The following GPR158 variants were observed in gnomAD, a reference collection of about 807,000 sequenced individuals.
The protein encoded by GPR158 is G protein-coupled receptor 158, also known as metabotropic glycine receptor.
GPR158 carries 30 observed loss-of-function variants against 78.2 expected under a neutral mutation model. The ratio of observed to expected loss-of-function variants is 0.38; its 90% confidence interval spans 0.29 to 0.52. The LOEUF (loss-of-function observed/expected upper bound fraction) is 0.52. GPR158 is among the 20% of genes least tolerant of loss of function. The probability of loss-of-function intolerance (pLI) is 0.83; values close to 1 mark genes in which losing one functional copy is unlikely to be tolerated. For synonymous variants in GPR158, 581 were observed against 591.1 expected (o/e 0.98, Z 0.25); for missense variants, 1,463 against 1,523.5 (o/e 0.96, Z 0.66).
intron 2 of GPR158, among the ~76,000 whole-genome samples, chr10:25,301,032 A>G (rs954225207): frequency 6.6e-6 from 1 of 152,178 alleles, no homozygotes; most frequent in Non-Finnish European, 1.5e-5. Flanking sequence ...TCATTCAGCT[A>G]TTCTTTCCTC....
At chr10:25,476,387 T>TG (rs938157773) in intron 5 of GPR158, among the ~76,000 whole-genome samples, 2 of 151,408 alleles carry the variant, frequency 1.3e-5, no homozygotes, top group African/African-American at 4.9e-5. Context: ...AATAAGGGTT[T>TG]TTTTTTTTTT....
In GPR158 at chr10:25,290,338, T is replaced by A. The variant is rs542017291; in HGVS notation, c.1008+69181T>A. 6.6e-5 allele frequency among the ~76,000 whole-genome samples: 10 copies of A among 152,306 alleles called. 1 individual carries two copies. In the South Asian group the frequency reaches 2.1e-3, roughly 32 times the overall value. On this transcript the variant is annotated intron_variant, in intron 2 of 10. Transcript: ENST00000376351. ...GCCGTTTGTAATAAACTAAGCAAAA[T>A]TTGCTTTCAGAGGTTAGTATTTAAG... is the stretch of plus-strand genomic sequence containing the variant.
chr10:25,451,527 G>T (rs956988346), intron 4 of GPR158, among the ~76,000 whole-genome samples: 1 of 152,124 alleles, frequency 6.6e-6, no homozygotes, highest in Admixed American at 6.5e-5. Context: ...TCAGTAGAAG[G>T]TTAGTAAAAG....
intron 2 of GPR158, among the ~76,000 whole-genome samples, chr10:25,360,188 T>C (rs961699345): frequency 2.0e-5 from 3 of 152,208 alleles, no homozygotes; most frequent in African/African-American, 7.2e-5. Flanking sequence ...AAAAATTTTC[T>C]CCCATTCTGT....
At chr10:25,451,735 G>A (rs1056958030) in intron 4 of GPR158, among the ~76,000 whole-genome samples, 3 of 152,150 alleles carry the variant, frequency 2.0e-5, no homozygotes, top group Non-Finnish European at 4.4e-5. Flanking sequence ...TATTTGTTGT[G>A]AGGGTTAAAT....
At chr10:25,408,093 A>T (rs1392292154) in intron 3 of GPR158, among the ~76,000 whole-genome samples, 3 of 152,208 alleles carry the variant, frequency 2.0e-5, no homozygotes, top group Admixed American at 2.0e-4. Context: ...ATTTGTATTG[A>T]AAGTAAATAA....
Position 25,259,922 on chromosome 10 carries a change from G to A in GPR158, c.1008+38765G>A, listed in dbSNP as rs1588763493. On this transcript the variant is annotated intron_variant, in intron 2 of 10. Coordinates refer to ENST00000376351, the MANE Select transcript of GPR158 (RefSeq NM_020752.3). ...TAATTTTGATCAAATTTTATATGCTGCTTATGGCTAAACTCTATAAATCTA... is the reference window on the plus strand; with the variant it reads ...TAATTTTGATCAAATTTTATATGCTACTTATGGCTAAACTCTATAAATCTA... Among the ~76,000 whole-genome samples, 3 of 151,824 alleles carry A rather than the reference G, an allele frequency of 2.0e-5. No homozygotes were observed. The South Asian group carries it at 6.2e-4, about 32-fold the overall frequency.
At position 25,175,553 on chromosome 10, in the gene GPR158, C is replaced by T. The variant is rs1209347979; in HGVS notation, c.133C>T (p.His45Tyr). The change falls in exon 1 of 11, where the codon CAC becomes TAC. Residue 45 changes from histidine (H) to tyrosine (Y), a missense_variant. Coordinates refer to ENST00000376351, the MANE Select transcript of GPR158 (RefSeq NM_020752.3). This position sits in a 1 kb window ranked among gnomAD's most constrained non-coding sequence, Gnocchi z 6.4. ...PRERTPKGKP[H>Y]AQQPGRASAS... is the part of the protein sequence containing the mutation. Reference sequence around the variant, plus strand: ...AGAGAGGACCCCGAAGGGGAAGCCGCACGCCCAGCAGCCGGGTCGAGCCTC... The same window carrying T: ...AGAGAGGACCCCGAAGGGGAAGCCGTACGCCCAGCAGCCGGGTCGAGCCTC... 2 of 1,611,452 alleles carry T rather than the reference C, an allele frequency of 1.2e-6. No individual in the cohort carries two copies. The highest frequency in any genetic ancestry group is 1.7e-6 in the Non-Finnish European group (2 of 1,179,850).
At chr10:25,580,822 C>A (rs527251370) in intron 7 of GPR158, among the ~76,000 whole-genome samples, 9 of 152,152 alleles carry the variant, frequency 5.9e-5, no homozygotes, top group Non-Finnish European at 1.3e-4. Flanking sequence ...AACTCCTGGA[C>A]TCAAGCCATT....
intron 2 of GPR158, among the ~76,000 whole-genome samples, chr10:25,236,413 C>T (rs757753931): frequency 3.3e-5 from 5 of 152,024 alleles, no homozygotes; most frequent in African/African-American, 7.3e-5. Flanking sequence ...GAGGCTGAGG[C>T]GGGAGAATGG....
At chr10:25,239,548 C>T (rs914521935) in intron 2 of GPR158, among the ~76,000 whole-genome samples, 3 of 149,498 alleles carry the variant, frequency 2.0e-5, no homozygotes, top group African/African-American at 5.0e-5. Flanking sequence ...GCAGAGGTTG[C>T]AGTGAATCAA....
chr10:25,252,852 C>T (rs1449868590), intron 2 of GPR158, among the ~76,000 whole-genome samples: 1 of 152,100 alleles, frequency 6.6e-6, no homozygotes, highest in Non-Finnish European at 1.5e-5. Context: ...CCAGTTCGAG[C>T]TTCCTGGCTG....
chr10:25,213,830 T>C (rs1397322981), intron 1 of GPR158, among the ~76,000 whole-genome samples: 1 of 152,146 alleles, frequency 6.6e-6, no homozygotes. Context: ...TCTATCATCT[T>C]ATCTTTTTAA....
chr10:25,370,445 C>A (rs1169947075), intron 2 of GPR158, among the ~76,000 whole-genome samples: 2 of 60,840 alleles, frequency 3.3e-5, no homozygotes. Context: ...CATTCAGGAT[C>A]AGGTTGTTCA....
intron 5 of GPR158, chr10:25,475,761 T>C (rs1052774254): frequency 2.0e-5 from 3 of 152,108 alleles, no homozygotes; most frequent in Non-Finnish European, 4.4e-5. Flanking sequence ...TATACTAGAA[T>C]TGTTCATGAA....
At chr10:25,297,182 A>T (rs1352803500) in intron 2 of GPR158, among the ~76,000 whole-genome samples, 3 of 152,194 alleles carry the variant, frequency 2.0e-5, no homozygotes, top group Admixed American at 2.0e-4. Context: ...GAGTTCAAAG[A>T]TATAAATTCT....
At chr10:25,390,221 G>T (rs909199416) in intron 2 of GPR158, among the ~76,000 whole-genome samples, 2 of 152,178 alleles carry the variant, frequency 1.3e-5, no homozygotes, top group Admixed American at 6.5e-5. Context: ...TACCGGTAGA[G>T]GGGGGTACTG....
At position 25,252,573 on chromosome 10, in the gene GPR158, G is replaced by C. The variant is rs28863900; in HGVS notation, c.1008+31416G>C. Among the ~76,000 whole-genome samples the C allele has an allele frequency of 3.0e-3, 458 of 151,102 alleles. 1 individual carries two copies. The highest frequency in any genetic ancestry group is 0.011 in the African/African-American group (437 of 41,324). The stretch of plus-strand genomic sequence containing the variant: ...TGCAGGTCTGTTGGAATACCCTGCC[G>C]TGTGAGGTGTCAGTGTGCCCCTGCT... On this transcript the variant is annotated intron_variant, in intron 2 of 10. Transcript: ENST00000376351.
intron 2 of GPR158, among the ~76,000 whole-genome samples, chr10:25,252,290 G>A (rs376422192): frequency 2.7e-4 from 41 of 151,396 alleles, no homozygotes; most frequent in South Asian, 6.3e-4. Flanking sequence ...TAATTTGATC[G>A]TCTGAAGCCT....
Sources: gnomAD v4.1 joint callset for allele counts (sites outside exome capture counted in the v4.1 genomes callset) on GRCh38, gnomAD v4.1.1 for gene constraint, Gnocchi (gnomAD v3.1) non-coding constraint, MANE v1.5 for transcripts, NCBI Gene and HGNC (gene_info 2026-07-23, HGNC 2026-07-21) for gene names.